The following LMBR1 variants were observed in gnomAD, a reference collection of about 807,000 sequenced individuals.
LMBR1 encodes the protein limb development membrane protein 1, also known as limb region 1 protein homolog.
A neutral mutation model predicts 73.9 loss-of-function variants in LMBR1; 52 were observed. That is an observed-to-expected ratio of 0.70 (90% confidence interval 0.56 to 0.89). The LOEUF (loss-of-function observed/expected upper bound fraction) is 0.89. Ranked by LOEUF, LMBR1 falls within the 40% of genes least tolerant of loss-of-function variation. The pLI is 0.00. For missense variants in LMBR1, 539 were observed against 579.8 expected (o/e 0.93, Z 0.72); for synonymous variants, 215 against 209.4 (o/e 1.03, Z -0.23).
At chr7:156,873,104 A>T (rs1003718107) in intron 1 of LMBR1, among the ~76,000 whole-genome samples, 1 of 151,964 alleles carries the variant, frequency 6.6e-6, no homozygotes, top group Non-Finnish European at 1.5e-5. Context: ...TGACTTCAAG[A>T]ATGAAGCCGC....
chr7:156,719,478 T>C (rs1814019205), intron 15 of LMBR1, among the ~76,000 whole-genome samples: 2 of 152,102 alleles, frequency 1.3e-5, no homozygotes. Context: ...GGAAAAACAT[T>C]CCATGCTCAT....
At chr7:156,833,896 G>A in intron 2 of LMBR1, 104 bp from the exon 3 acceptor site, 2 of 724,188 alleles carry the variant, frequency 2.8e-6, no homozygotes, top group Non-Finnish European at 2.2e-6. Flanking sequence ...GGCAATTATT[G>A]AACAGAAACA....
In LMBR1 at chr7:156,763,529, G is replaced by T. The variant is rs1823519822; in HGVS notation, c.550+140C>A. 4.6e-6 allele frequency: 3 copies of T among 645,222 alleles called. No individual in the cohort carries two copies. In the East Asian group the frequency reaches 1.0e-4, roughly 22 times the overall value. The allele number at this position is 645,222 out of a possible 1,614,324, so 40.0% of individuals were successfully genotyped here. On this transcript the variant is annotated intron_variant, in intron 6 of 16. Coordinates refer to ENST00000353442, the MANE Select transcript of LMBR1 (RefSeq NM_022458.4). ...TCATTTTTAGATAAAAATATCTAAA[G>T]ATTTCTTAATTCTGTAAATTAACAT...
At chr7:156,884,393 A>G (rs374248740) in intron 1 of LMBR1, among the ~76,000 whole-genome samples, 2 of 143,686 alleles carry the variant, frequency 1.4e-5, no homozygotes, top group African/African-American at 5.0e-5. Flanking sequence ...GAACACAAGC[A>G]AAAAAAAAAA....
intron 9 of LMBR1, among the ~76,000 whole-genome samples, chr7:156,738,227 A>G (rs1818255717): frequency 2.6e-5 from 4 of 152,168 alleles, no homozygotes; most frequent in Non-Finnish European, 5.9e-5. Context: ...CTGCCCTGTC[A>G]CAGCAGACAG....
intron 1 of LMBR1, among the ~76,000 whole-genome samples, chr7:156,882,089 G>A (rs1004528332): frequency 3.3e-5 from 5 of 152,174 alleles, no homozygotes; most frequent in Admixed American, 6.6e-5. Flanking sequence ...TCTATTAACG[G>A]ATGGATAATG....
intron 1 of LMBR1, among the ~76,000 whole-genome samples, chr7:156,856,359 T>G (rs1796971945): frequency 6.6e-6 from 1 of 152,106 alleles, no homozygotes; most frequent in Non-Finnish European, 1.5e-5. Flanking sequence ...GCAAGAAATT[T>G]TAAAAGATCT....
chr7:156,773,251 C>T (rs115061929), intron 5 of LMBR1, among the ~76,000 whole-genome samples: 8,025 of 151,430 alleles, frequency 0.053, 259 homozygotes, highest in African/African-American at 0.076. Flanking sequence ...AGAATCATTG[C>T]TAAAATGGCC....
At chr7:156,699,721 C>A (rs1376687532) in intron 15 of LMBR1, among the ~76,000 whole-genome samples, 3 of 151,862 alleles carry the variant, frequency 2.0e-5, no homozygotes, top group Admixed American at 6.5e-5. Flanking sequence ...AAAAAACAAC[C>A]CCATCAAAAA....
intron 5 of LMBR1, chr7:156,779,604 C>A (rs1434001901): frequency 1.3e-5 from 13 of 976,720 alleles, no homozygotes; most frequent in Non-Finnish European, 1.8e-5. Flanking sequence ...TTGTGCTGGT[C>A]AATTATACAT....
At chr7:156,686,407 A>G (rs1806023915) in intron 16 of LMBR1, among the ~76,000 whole-genome samples, 1 of 152,244 alleles carries the variant, frequency 6.6e-6, no homozygotes, top group Non-Finnish European at 1.5e-5. Context: ...GAAAGGGGAT[A>G]GCTACTTTAC....
intron 4 of LMBR1, chr7:156,822,576 G>A (rs1834960666): frequency 6.6e-6 from 1 of 151,622 alleles, no homozygotes; most frequent in Admixed American, 6.6e-5. Context: ...CATATCTCAG[G>A]GTGGGAAACA....
chr7:156,744,437 G>T (rs750145622), intron 9 of LMBR1, among the ~76,000 whole-genome samples: 1 of 151,892 alleles, frequency 6.6e-6, no homozygotes, highest in Non-Finnish European at 1.5e-5. Flanking sequence ...GCCTAGGAGT[G>T]TGTGGCCTTT....
rs1804788637 is a variant in LMBR1 at position 156,680,324 on chromosome 7, A to C, written c.*3754T>G. 1 of 152,090 alleles carries C rather than the reference A, an allele frequency of 6.6e-6. No homozygotes were observed. Among genetic ancestry groups the C allele is most frequent in the Admixed American group, 6.5e-5 (1 of 15,268 alleles). 9.4% of individuals were successfully genotyped at this position (152,090 alleles called of 1,614,324 possible). ...ACAGAAGATGCCAGCATGCACACTT[A>C]GGAAAAACAAGTACTGTCTTGTTAA... On this transcript the variant is annotated 3_prime_UTR_variant, in exon 17 of 17. Transcript: ENST00000353442.
intron 15 of LMBR1, among the ~76,000 whole-genome samples, chr7:156,695,353 G>A (rs1333670025): frequency 6.6e-6 from 1 of 152,170 alleles, no homozygotes; most frequent in African/African-American, 2.4e-5. Context: ...CTGCTATAAA[G>A]AAATACTTCA....
intron 15 of LMBR1, among the ~76,000 whole-genome samples, chr7:156,708,709 G>A (rs1811491146): frequency 6.6e-6 from 1 of 152,210 alleles, no homozygotes; most frequent in Non-Finnish European, 1.5e-5. Context: ...GGGAACTGCT[G>A]CAGATAAGAG....
At chr7:156,722,648 A>G (rs1388083933) in intron 15 of LMBR1, among the ~76,000 whole-genome samples, 1 of 152,156 alleles carries the variant, frequency 6.6e-6, no homozygotes, top group Non-Finnish European at 1.5e-5. Context: ...AATGCACTCC[A>G]TTAATCCTGT....
chr7:156,773,324 C>T (rs941096354), intron 5 of LMBR1, among the ~76,000 whole-genome samples: 1 of 151,672 alleles, frequency 6.6e-6, no homozygotes, highest in African/African-American at 2.4e-5. Context: ...TGACATTCTT[C>T]ACAGAATTAA....
chr7:156,820,490 C>A (rs75636030), intron 4 of LMBR1, among the ~76,000 whole-genome samples: 1 of 152,088 alleles, frequency 6.6e-6, no homozygotes, highest in Non-Finnish European at 1.5e-5. Flanking sequence ...AAGTTAACAA[C>A]CACTCTAAAC....
Sources: allele counts gnomAD v4.1 joint callset (sites outside exome capture counted in the v4.1 genomes callset), GRCh38; gene constraint gnomAD v4.1.1; transcripts MANE v1.5; gene names NCBI Gene and HGNC (gene_info 2026-07-23, HGNC 2026-07-21).